The following HSD17B12 variants were observed in gnomAD, a reference collection of about 807,000 sequenced individuals.
HSD17B12 encodes hydroxysteroid 17-beta dehydrogenase 12.
HSD17B12 carries 32 observed loss-of-function variants against 39.3 expected under a neutral mutation model. The observed-to-expected ratio is 0.81, with a 90% CI of 0.61 to 1.09. The LOEUF is 1.09. Ranked by LOEUF, HSD17B12 falls within the 50% of genes least tolerant of loss-of-function variation. The pLI is 0.00. For synonymous variants in HSD17B12, 150 were observed against 146.7 expected (o/e 1.02, Z -0.16); for missense variants, 342 against 382.9 (o/e 0.89, Z 0.89).
chr11:43,772,220 G>T (rs1367186438), intron 3 of HSD17B12, among the ~76,000 whole-genome samples: 1 of 152,176 alleles, frequency 6.6e-6, no homozygotes, highest in South Asian at 2.1e-4. Context: ...TGTTGATGGA[G>T]AGTAAATATG....
At chr11:43,603,846 A>G in the HSD17B12 span, among the ~76,000 whole-genome samples, 4 of 152,276 alleles carry the variant, frequency 2.6e-5, no homozygotes, top group African/African-American at 9.6e-5. Flanking sequence ...GTATTTTTCC[A>G]TATTTATTCT....
the HSD17B12 span, among the ~76,000 whole-genome samples, chr11:43,651,339 CAAG>C: frequency 6.6e-6 from 1 of 152,088 alleles, no homozygotes; most frequent in Non-Finnish European, 1.5e-5. Context: ...TCCCTCACTC[CAAG>C]AAGAGAAGAT....
intron 3 of HSD17B12, among the ~76,000 whole-genome samples, chr11:43,787,186 C>T (rs1300618003): frequency 9.9e-5 from 15 of 152,194 alleles, no homozygotes; most frequent in Admixed American, 9.8e-4. Flanking sequence ...AGGTGATCCA[C>T]CCGCCTCCGC....
chr11:43,705,141 A>G (rs1950001824), intron 1 of HSD17B12, among the ~76,000 whole-genome samples: 1 of 152,228 alleles, frequency 6.6e-6, no homozygotes, highest in Non-Finnish European at 1.5e-5. Flanking sequence ...ACAGACATGG[A>G]TGAAAGGAAA....
intron 2 of HSD17B12, among the ~76,000 whole-genome samples, chr11:43,752,409 G>GCTAA (rs1950473117): frequency 6.6e-6 from 1 of 152,050 alleles, no homozygotes; most frequent in African/African-American, 2.4e-5. Context: ...TATTACCATG[G>GCTAA]TGGTTAAAAA....
At chr11:43,634,668 T>C in the HSD17B12 span, among the ~76,000 whole-genome samples, 1 of 152,172 alleles carries the variant, frequency 6.6e-6, no homozygotes, top group East Asian at 1.9e-4. Flanking sequence ...TTCCACAGGA[T>C]CTTGTATCCA....
At chr11:43,562,468 A>C in the HSD17B12 span, among the ~76,000 whole-genome samples, 1 of 152,230 alleles carries the variant, frequency 6.6e-6, no homozygotes, top group Non-Finnish European at 1.5e-5. Context: ...CTACCTCAAA[A>C]AGTTATTGTG....
At chr11:43,663,516 G>C in the HSD17B12 span, among the ~76,000 whole-genome samples, 1 of 152,174 alleles carries the variant, frequency 6.6e-6, no homozygotes, top group African/African-American at 2.4e-5. Context: ...ACAGACATGA[G>C]CTACCATGAC....
the HSD17B12 span, among the ~76,000 whole-genome samples, chr11:43,601,404 A>C: frequency 6.6e-6 from 1 of 151,014 alleles, no homozygotes; most frequent in East Asian, 1.9e-4. Flanking sequence ...TCCTATCCAT[A>C]GTATGTTTTC....
At chr11:43,734,368 GA>G (rs1449023720) in intron 1 of HSD17B12, 12 of 898,786 alleles carry the variant, frequency 1.3e-5, no homozygotes, top group Admixed American at 1.7e-5. Context: ...CTGAGCAGAG[GA>G]AAAAGGCGGC....
chr11:43,753,370 T>C (rs1214302427), intron 2 of HSD17B12, among the ~76,000 whole-genome samples: 1 of 144,768 alleles, frequency 6.9e-6, no homozygotes, highest in East Asian at 2.1e-4. Context: ...TATATATCCA[T>C]TCTGCAGCAA....
the HSD17B12 span, among the ~76,000 whole-genome samples, chr11:43,651,832 C>T: frequency 6.6e-6 from 1 of 152,192 alleles, no homozygotes; most frequent in African/African-American, 2.4e-5. Flanking sequence ...GCCTGGTTAG[C>T]CTCCCGAAGT....
chr11:43,845,443 C>A (rs1222303999), intron 9 of HSD17B12, among the ~76,000 whole-genome samples: 1 of 146,670 alleles, frequency 6.8e-6, no homozygotes, highest in African/African-American at 2.5e-5. Flanking sequence ...AATCTAGGAT[C>A]AGGTGTCATA....
chr11:43,826,570 TTAAG>T (rs1409278317), intron 6 of HSD17B12, among the ~76,000 whole-genome samples: 4 of 152,082 alleles, frequency 2.6e-5, no homozygotes, highest in Non-Finnish European at 4.4e-5. Context: ...GAATTTAAGG[TTAAG>T]TAATATGGAG....
At chr11:43,692,101 G>A (rs1949868081) in intron 1 of HSD17B12, among the ~76,000 whole-genome samples, 2 of 152,178 alleles carry the variant, frequency 1.3e-5, no homozygotes, top group African/African-American at 4.8e-5. Context: ...TCGTGTGTAT[G>A]TATATGTGTG....
chr11:43,627,248 A>G, the HSD17B12 span, among the ~76,000 whole-genome samples: 14 of 151,866 alleles, frequency 9.2e-5, no homozygotes, highest in African/African-American at 3.1e-4. Context: ...TTTTTTTTAA[A>G]TGTAACTTGA....
intron 7 of HSD17B12, among the ~76,000 whole-genome samples, chr11:43,836,711 G>T (rs1479843025): frequency 1.3e-5 from 2 of 151,894 alleles, no homozygotes; most frequent in African/African-American, 2.4e-5. Flanking sequence ...AACAAAAGTG[G>T]TTTTTCTATT....
the HSD17B12 span, among the ~76,000 whole-genome samples, chr11:43,563,258 A>T: frequency 1.3e-5 from 2 of 152,176 alleles, no homozygotes; most frequent in Non-Finnish European, 2.9e-5. Context: ...GCTGCTTGCC[A>T]TTGTAGCACT....
chr11:43,620,610 A>G, the HSD17B12 span, among the ~76,000 whole-genome samples: 2 of 152,186 alleles, frequency 1.3e-5, no homozygotes, highest in Admixed American at 1.3e-4. Flanking sequence ...ACCGGAGCTT[A>G]CTAGTTCTGT....
Sources: gnomAD v4.1 joint callset for allele counts (sites outside exome capture counted in the v4.1 genomes callset) on GRCh38, gnomAD v4.1.1 for gene constraint, MANE v1.5 for transcripts, NCBI Gene and HGNC (gene_info 2026-07-23, HGNC 2026-07-21) for gene names.